The following MMD2 variants were observed in gnomAD, a reference collection of about 807,000 sequenced individuals.
The protein encoded by MMD2 is monocyte to macrophage differentiation associated 2, also known as monocyte to macrophage differentiation factor 2.
A neutral mutation model predicts 33.5 loss-of-function variants in MMD2; 30 were observed. That is an observed-to-expected ratio of 0.90 (90% CI 0.67 to 1.22). The LOEUF is 1.22. Ranked by LOEUF, MMD2 falls within the 50% of genes most tolerant of loss-of-function variation. MMD2 has a pLI of 0.00. For missense variants in MMD2, 364 were observed against 325.4 expected (o/e 1.12, Z -0.91); for synonymous variants, 129 against 123.0 (o/e 1.05, Z -0.32).
chr7:4,919,115 C>A (rs553081271), intron 3 of MMD2, among the ~76,000 whole-genome samples: 239 of 150,826 alleles, frequency 1.6e-3, no homozygotes, highest in African/African-American at 5.2e-3. Flanking sequence ...AAATAAAAAT[C>A]AAAACTGTAA....
rs553309427 is a variant in MMD2 at position 4,916,371 on chromosome 7, C to CTT, written c.291-294_291-293dup. ...TAAGGATTGAACATCCTCCGTCCCA[C>CTT]TTTTTTTTTTTTTTTTTTTTTTTTT... On this transcript the variant is annotated intron_variant, in intron 3 of 6. Coordinates refer to ENST00000401401, the MANE Select transcript of MMD2 (RefSeq NM_198403.4). 1.5e-3 allele frequency among the ~76,000 whole-genome samples: 94 copies of CTT among 64,786 alleles called. 5 individuals carry two copies. The highest frequency in any genetic ancestry group is 0.011 in the East Asian group (19 of 1,664). 42.5% of individuals were successfully genotyped at this position (64,786 alleles called of 152,430 possible). A position where few individuals can be genotyped will look rare whatever the true frequency, so the allele number is the denominator to read the frequency against.
At position 4,958,956 on chromosome 7, in the gene MMD2, G is replaced by GCGGC; in HGVS notation, c.47+11_47+14dup. The GCGGC allele has an allele frequency of 1.6e-6, 2 of 1,264,988 alleles. No homozygotes were observed. The highest frequency in any genetic ancestry group is 2.0e-6 in the Non-Finnish European group (2 of 997,456). 78.4% of individuals were successfully genotyped at this position (1,264,988 alleles called of 1,614,324 possible). A position where few individuals can be genotyped will look rare whatever the true frequency, so the allele number is the denominator to read the frequency against. On this transcript the variant is annotated intron_variant, in intron 1 of 6. Coordinates refer to ENST00000401401, the MANE Select transcript of MMD2 (RefSeq NM_198403.4). ...CCTCCCTCCCTCCCCGCGGACCTCC[G>GCGGC]CGGCCGCCGCTCACCTCGCGTATTT... is the stretch of plus-strand genomic sequence containing the variant.
chr7:4,920,297 T>A lies in MMD2; in HGVS notation c.164A>T (p.Asn55Ile). 6.2e-7 allele frequency: 1 copy of A among 1,609,100 alleles called. No individual in the cohort carries two copies. The highest frequency in any genetic ancestry group is 1.1e-5 in the South Asian group (1 of 89,582). Residue 55 changes from asparagine to isoleucine, a missense_variant, in exon 3 of 7, where the codon AAC becomes ATC. Asn to Ile is a moderately radical substitution (Grantham distance 149, BLOSUM62 -3). Transcript: ENST00000401401. The stretch of plus-strand genomic sequence containing the variant: ...GTCATCGTCCGACAGGAAGTAGAGG[T>A]TGGAGCTGCCCAGGATGCTGGGGAT... ...WIIPSILGSS[N>I]LYFLSDDDWE...
At chr7:4,914,748 T>C (rs1005111458) in intron 4 of MMD2, among the ~76,000 whole-genome samples, 4 of 152,048 alleles carry the variant, frequency 2.6e-5, no homozygotes, top group African/African-American at 2.4e-5. Context: ...CTGGCCAACA[T>C]GGTGAAACCC....
intron 3 of MMD2, among the ~76,000 whole-genome samples, chr7:4,918,335 C>T (rs970140615): frequency 2.6e-5 from 4 of 152,104 alleles, no homozygotes; most frequent in South Asian, 2.1e-4. Flanking sequence ...ATTGTATGCA[C>T]GGCTCAACTG....
At chr7:4,905,137 C>T (rs1784844581), downstream of MMD2, among the ~76,000 whole-genome samples, 2 of 152,136 alleles carry the variant, frequency 1.3e-5, no homozygotes, top group East Asian at 1.9e-4. The surrounding 1 kb of genome is among the most constrained non-coding windows in gnomAD (Gnocchi z 5.0). Flanking sequence ...ACAGGAGGTG[C>T]AGGTGTCAGA....
intron 1 of MMD2, among the ~76,000 whole-genome samples, chr7:4,956,145 G>A (rs2115168120): frequency 6.6e-6 from 1 of 152,234 alleles, no homozygotes; most frequent in South Asian, 2.1e-4. Flanking sequence ...TCAATCAGCT[G>A]GGTGCAGTGG....
downstream of MMD2, among the ~76,000 whole-genome samples, chr7:4,903,080 A>C (rs1784815954): frequency 6.6e-6 from 1 of 152,166 alleles, no homozygotes; most frequent in Admixed American, 6.6e-5. Context: ...TCTACTAAAA[A>C]TACACAAATT....
At chr7:4,958,947 C>CG in intron 1 of MMD2, 24 bp downstream of exon 1, 2 of 1,290,562 alleles carry the variant, frequency 1.5e-6, no homozygotes, top group Non-Finnish European at 2.0e-6. Flanking sequence ...TCCCTCCCCG[C>CG]GGACCTCCGC....
chr7:4,895,082 C>CTTTT, the MMD2 span, among the ~76,000 whole-genome samples: 1 of 146,254 alleles, frequency 6.8e-6, no homozygotes, highest in Non-Finnish European at 1.5e-5. Flanking sequence ...CAGCTGAAGT[C>CTTTT]TTTTTTTTTT....
the MMD2 span, among the ~76,000 whole-genome samples, chr7:4,895,609 T>C: frequency 2.6e-5 from 4 of 152,052 alleles, no homozygotes; most frequent in African/African-American, 9.7e-5. Flanking sequence ...AGATTTCAGC[T>C]CACTGCAACC....
chr7:4,921,293 G>A (rs1277543040), intron 2 of MMD2, among the ~76,000 whole-genome samples: 4 of 151,960 alleles, frequency 2.6e-5, no homozygotes, highest in Non-Finnish European at 5.9e-5. Flanking sequence ...CAGCACAGGC[G>A]CCCAGGTACC....
At chr7:4,909,626 G>T (rs1035309412) in intron 6 of MMD2, 3 of 647,162 alleles carry the variant, frequency 4.6e-6, no homozygotes, top group Admixed American at 4.9e-5. Flanking sequence ...TTTTAGAGAT[G>T]GGTCTTGCTA....
rs756120080 is a variant in MMD2 at position 4,906,513 on chromosome 7, A to C, written c.*883T>G. ...TGTTTGCCCCATCTTATGAATGAAT[A>C]GCTCTCGTAATGTCTCTGGATTTTT... On this transcript the variant is annotated 3_prime_UTR_variant, in exon 7 of 7. Transcript: ENST00000401401. 24 of 398,552 alleles carry C rather than the reference A, an allele frequency of 6.0e-5. No individual in the cohort carries two copies. Among genetic ancestry groups the C allele is most frequent in the Middle Eastern group, 1.2e-3 (2 of 1,610 alleles). 24.7% of individuals were successfully genotyped at this position (398,552 alleles called of 1,614,324 possible).
chr7:4,943,301 G>A (rs1363014519), intron 1 of MMD2, among the ~76,000 whole-genome samples: 7 of 152,094 alleles, frequency 4.6e-5, no homozygotes, highest in African/African-American at 7.2e-5. Context: ...GAGCCACCGC[G>A]CCTGGCCTTT....
downstream of MMD2, among the ~76,000 whole-genome samples, chr7:4,903,936 C>T (rs183643057): frequency 1.3e-5 from 2 of 152,212 alleles, no homozygotes; most frequent in African/African-American, 4.8e-5. Context: ...ATGCCCTCCC[C>T]ACCCTTTTTT....
chr7:4,893,222 T>G, the MMD2 span, among the ~76,000 whole-genome samples: 1 of 151,926 alleles, frequency 6.6e-6, no homozygotes, highest in African/African-American at 2.4e-5. Flanking sequence ...AGAGGGTTCT[T>G]GGACCCCGTC....
rs1193549870 is a variant in MMD2 at position 4,935,839 on chromosome 7, A to T, written c.48-10307T>A. 2.0e-5 allele frequency among the ~76,000 whole-genome samples: 3 copies of T among 152,250 alleles called. No homozygotes were observed. In the East Asian group the frequency reaches 5.8e-4, roughly 29 times the overall value. On this transcript the variant is annotated intron_variant, in intron 1 of 6. Transcript: ENST00000401401. ...AGGGAAATTGGAGAAAGGATTCTCAAGATCTTTCTACCATTCTTGCAACTA... is the reference window on the plus strand; with the variant it reads ...AGGGAAATTGGAGAAAGGATTCTCATGATCTTTCTACCATTCTTGCAACTA...
the MMD2 span, among the ~76,000 whole-genome samples, chr7:4,899,806 A>C: frequency 6.6e-6 from 1 of 152,176 alleles, no homozygotes; most frequent in East Asian, 1.9e-4. Context: ...CCAGGTGATG[A>C]AATGGGCGGG....
Sources: gnomAD v4.1 joint callset for allele counts (sites outside exome capture counted in the v4.1 genomes callset) on GRCh38, gnomAD v4.1.1 for gene constraint, Gnocchi (gnomAD v3.1) non-coding constraint, MANE v1.5 for transcripts, NCBI Gene and HGNC (gene_info 2026-07-23, HGNC 2026-07-21) for gene names.